Variants in NTNG2 observed in about 807,000 individuals in gnomAD.
NTNG2 encodes netrin-G2.
NTNG2 carries 15 observed loss-of-function variants against 47.6 expected under a neutral mutation model. That is an observed-to-expected ratio of 0.32 (90% CI 0.21 to 0.49). The LOEUF (loss-of-function observed/expected upper bound fraction) is 0.49. NTNG2 is among the 20% of genes least tolerant of loss of function. The pLI is 0.99. For synonymous variants in NTNG2, 307 were observed against 324.6 expected (o/e 0.95, Z 0.58); for missense variants, 578 against 764.6 (o/e 0.76, Z 2.88).
chr9:132,239,785 CTCAT>C (rs1841869315), intron 6 of NTNG2, among the ~76,000 whole-genome samples: 1 of 152,270 alleles, frequency 6.6e-6, no homozygotes, highest in Admixed American at 6.5e-5. Flanking sequence ...CCTCAGCTTC[CTCAT>C]TCATCAAATT....
intron 5 of NTNG2, 35 bp downstream of exon 5, chr9:132,230,630 C>G (rs1432486434): frequency 1.3e-6 from 2 of 1,598,244 alleles, no homozygotes; most frequent in Non-Finnish European, 1.7e-6. Flanking sequence ...GCCAGGGCCC[C>G]CACTGCACGA....
chr9:132,225,705 G>C (rs2130928087), intron 3 of NTNG2, among the ~76,000 whole-genome samples: 1 of 152,288 alleles, frequency 6.6e-6, no homozygotes, highest in South Asian at 2.1e-4. Flanking sequence ...CCATTTGTTT[G>C]CGTGTTTGAT....
At chr9:132,173,865 G>A (rs530030942) in intron 2 of NTNG2, among the ~76,000 whole-genome samples, 7 of 146,088 alleles carry the variant, frequency 4.8e-5, no homozygotes, top group South Asian at 2.2e-4. Flanking sequence ...ATGGACAGAC[G>A]GACAGACAGG....
rs1336080499 is a variant in NTNG2, at chr9:132,218,814, T to C, written c.858-8035T>C. Among the ~76,000 whole-genome samples, 2 of 152,150 alleles carry C rather than the reference T, an allele frequency of 1.3e-5. No homozygotes were observed. Among genetic ancestry groups the C allele is most frequent in the African/African-American group, 4.8e-5 (2 of 41,420 alleles). On this transcript the variant is annotated intron_variant, in intron 3 of 7. Coordinates refer to ENST00000393229, the MANE Select transcript of NTNG2 (RefSeq NM_032536.4). This position sits in a 1 kb window ranked among gnomAD's most constrained non-coding sequence, Gnocchi z 5.4. Reference sequence around the variant, plus strand: ...GCCCGGCCCCAATGTGATAGGTTTATAAAAATAGGAAAACAAATCTCTGAA... The same window carrying C: ...GCCCGGCCCCAATGTGATAGGTTTACAAAAATAGGAAAACAAATCTCTGAA...
At position 132,230,554 on chromosome 9, in the gene NTNG2, C is replaced by T; in HGVS notation, c.1031-18C>T. The T allele has an allele frequency of 6.3e-7, 1 of 1,599,124 alleles. No homozygotes were observed. The highest frequency in any genetic ancestry group is 2.3e-5 in the East Asian group (1 of 44,440). On this transcript the variant is annotated intron_variant, in intron 4 of 7. Transcript: ENST00000393229. ...CTTCCCCTGGGGCAGCCAGCTCACG[C>T]CCGTCTCTCTCCCACAGGTGCCACT...
At chr9:132,173,840 G>A (rs1168470532) in intron 2 of NTNG2, among the ~76,000 whole-genome samples, 75 of 147,300 alleles carry the variant, frequency 5.1e-4, no homozygotes, top group Non-Finnish European at 1.1e-3. Flanking sequence ...ACCATGCTGC[G>A]GATGAGATGG....
intron 2 of NTNG2, among the ~76,000 whole-genome samples, chr9:132,168,975 C>T (rs1314434305): frequency 3.3e-5 from 5 of 152,138 alleles, no homozygotes; most frequent in Non-Finnish European, 7.4e-5. Flanking sequence ...CTGCCCTGCC[C>T]CCACCCTCAG....
intron 4 of NTNG2, among the ~76,000 whole-genome samples, chr9:132,230,135 T>C (rs545325342): frequency 1.3e-5 from 2 of 152,334 alleles, no homozygotes; most frequent in East Asian, 1.9e-4. Context: ...TCCCATGGCT[T>C]CTCAGTGAGT....
rs1841228628 is a variant in NTNG2, at chr9:132,231,567, T to C, written c.1054+972T>C. 2 of 318,986 alleles carry C rather than the reference T, an allele frequency of 6.3e-6. No homozygotes were observed. Among genetic ancestry groups the C allele is most frequent in the Non-Finnish European group, 6.2e-6 (1 of 161,298 alleles). 19.8% of individuals were successfully genotyped at this position (318,986 alleles called of 1,614,324 possible). A position where few individuals can be genotyped will look rare whatever the true frequency, so the allele number is the denominator to read the frequency against. On this transcript the variant is annotated intron_variant, in intron 5 of 7. Coordinates refer to ENST00000393229, the MANE Select transcript of NTNG2 (RefSeq NM_032536.4). This position sits in a 1 kb window ranked among gnomAD's most constrained non-coding sequence, Gnocchi z 4.1. ...GCAGGGACGCTGGTCTGCACAGCCG[T>C]CGTAAGTTGCTTCTCTGTGGTGTCC...
chr9:132,224,884 T>A (rs1467626578), intron 3 of NTNG2, among the ~76,000 whole-genome samples: 1 of 152,210 alleles, frequency 6.6e-6, no homozygotes. Flanking sequence ...GCCCATCAGA[T>A]AATTTCATCT....
intron 3 of NTNG2, among the ~76,000 whole-genome samples, chr9:132,211,183 T>G (rs1486692160): frequency 1.3e-5 from 2 of 152,146 alleles, no homozygotes; most frequent in African/African-American, 4.8e-5. Context: ...CACTTCATGC[T>G]TGGGTTCCTG....
At chr9:132,192,803 A>G (rs1381087497) in intron 2 of NTNG2, among the ~76,000 whole-genome samples, 3 of 151,958 alleles carry the variant, frequency 2.0e-5, no homozygotes, top group Non-Finnish European at 4.4e-5. Context: ...GAGAGAGAAA[A>G]TTGTGTTGGC....
chr9:132,214,303 C>A (rs1839818031), intron 3 of NTNG2, among the ~76,000 whole-genome samples: 1 of 152,210 alleles, frequency 6.6e-6, no homozygotes, highest in Non-Finnish European at 1.5e-5. Flanking sequence ...GGTGCCAGGC[C>A]CGGGTCCAGA....
chr9:132,202,402 AG>A (rs1838834785), intron 3 of NTNG2, among the ~76,000 whole-genome samples: 1 of 152,084 alleles, frequency 6.6e-6, no homozygotes, highest in Non-Finnish European at 1.5e-5. Context: ...GCAGCCCCAC[AG>A]GGGGCAGGTG....
intron 4 of NTNG2, among the ~76,000 whole-genome samples, chr9:132,229,752 G>A (rs976679718): frequency 2.0e-5 from 3 of 152,236 alleles, no homozygotes; most frequent in Admixed American, 6.5e-5. Context: ...GGCTTGCCCA[G>A]GAGAAGCCCA....
intron 2 of NTNG2, among the ~76,000 whole-genome samples, chr9:132,190,101 C>A (rs538425072): frequency 6.7e-6 from 1 of 149,736 alleles, no homozygotes; most frequent in Non-Finnish European, 1.5e-5. Flanking sequence ...GGCGTGGTGG[C>A]GGGCACCTGT....
At chr9:132,189,895 C>T (rs868219351) in intron 2 of NTNG2, among the ~76,000 whole-genome samples, 3 of 150,542 alleles carry the variant, frequency 2.0e-5, no homozygotes, top group African/African-American at 4.9e-5. Flanking sequence ...GTGGTCGGCC[C>T]GCCTCAGCCT....
intron 2 of NTNG2, among the ~76,000 whole-genome samples, chr9:132,177,814 C>A (rs772456975): frequency 3.9e-5 from 6 of 152,150 alleles, no homozygotes; most frequent in African/African-American, 1.4e-4. Flanking sequence ...CTAGCCAGCA[C>A]GCCCAGCTAA....
intron 2 of NTNG2, among the ~76,000 whole-genome samples, chr9:132,184,948 G>A (rs1365217754): frequency 3.3e-5 from 5 of 152,226 alleles, no homozygotes; most frequent in Non-Finnish European, 7.3e-5. Flanking sequence ...GGAAAGACAA[G>A]GGAGAGAGGC....
Sources: allele counts gnomAD v4.1 joint callset (sites outside exome capture counted in the v4.1 genomes callset), GRCh38; gene constraint gnomAD v4.1.1; non-coding constraint Gnocchi (gnomAD v3.1); transcripts MANE v1.5; gene names NCBI Gene and HGNC (gene_info 2026-07-23, HGNC 2026-07-21).